Variants in A4GALT observed in about 807,000 individuals in gnomAD.
A4GALT encodes the protein alpha 1,4-galactosyltransferase (P1PK blood group).
For missense variants in A4GALT, 512 were observed against 486.0 expected, an observed-to-expected ratio of 1.05 and a Z score of -0.50; for synonymous variants, 257 against 220.7, an observed-to-expected ratio of 1.16 and a Z score of -1.46.
intron 1 of A4GALT, among the ~76,000 whole-genome samples, chr22:42,709,352 A>AAT (rs1921476527): frequency 6.6e-6 from 1 of 151,748 alleles, no homozygotes; most frequent in South Asian, 2.1e-4. Context: ...GCCAAAAAAA[A>AAT]AAAAAAAAAT....
chr22:42,703,534 G>A (rs1009894067), intron 1 of A4GALT, among the ~76,000 whole-genome samples: 4 of 152,052 alleles, frequency 2.6e-5, no homozygotes, highest in African/African-American at 7.2e-5. Flanking sequence ...GATTACAGGT[G>A]TGAGCCACTG....
chr22:42,715,918 C>T (rs532188469), intron 1 of A4GALT, among the ~76,000 whole-genome samples: 6 of 151,718 alleles, frequency 4.0e-5, no homozygotes, highest in Non-Finnish European at 7.4e-5. Flanking sequence ...CTGCAAACTC[C>T]GCCTCCTGCG....
chr22:42,703,508 C>T (rs953400503), intron 1 of A4GALT, among the ~76,000 whole-genome samples: 2 of 152,038 alleles, frequency 1.3e-5, no homozygotes, highest in African/African-American at 4.8e-5. Context: ...CTGGCCTCGG[C>T]CTCCCAAAGT....
chr22:42,720,411 C>A (rs868763854), intron 1 of A4GALT, among the ~76,000 whole-genome samples: 2 of 152,152 alleles, frequency 1.3e-5, no homozygotes, highest in South Asian at 2.1e-4. Flanking sequence ...GACGGAGGAG[C>A]GCGACTCACC....
At chr22:42,700,944 T>A (rs1362526376) in intron 1 of A4GALT, among the ~76,000 whole-genome samples, 1 of 152,182 alleles carries the variant, frequency 6.6e-6, no homozygotes, top group Non-Finnish European at 1.5e-5. Context: ...AGCAGGGACA[T>A]GCAGCCAGGA....
chr22:42,710,932 A>T (rs1921634730), intron 1 of A4GALT, among the ~76,000 whole-genome samples: 1 of 151,758 alleles, frequency 6.6e-6, no homozygotes, highest in Admixed American at 6.6e-5. Context: ...GGCTGAGGCG[A>T]GAGAATTGCT....
chr22:42,706,169 C>G (rs375849803), intron 1 of A4GALT, among the ~76,000 whole-genome samples: 1,397 of 67,692 alleles, frequency 0.021, 133 homozygotes, highest in African/African-American at 0.048. Flanking sequence ...TCCTGGCTAA[C>G]ACGGTGAAAC....
At chr22:42,713,638 CCCA>C (rs1210097003) in intron 1 of A4GALT, among the ~76,000 whole-genome samples, 4 of 151,554 alleles carry the variant, frequency 2.6e-5, no homozygotes, top group African/African-American at 9.7e-5. Flanking sequence ...CTGGCAAAAC[CCCA>C]CCTCAACTAA....
At position 42,693,383 on chromosome 22, in the gene A4GALT, T is replaced by C; in HGVS notation, c.569A>G (p.Tyr190Cys). ...GAGAACAATGAAGTCCGTGTCCAGG[T>C]AGATGCCGCCGAACTTCCACATGAG... is the stretch of plus-strand genomic sequence containing the variant. The part of the protein sequence containing the change: ...IALMWKFGGI[Y>C]LDTDFIVLKN... The change falls in exon 3 of 3, where the codon TAC becomes TGC. Residue 190 changes from tyrosine (Y) to cysteine (C), a missense_variant. Coordinates refer to ENST00000642412, the MANE Select transcript of A4GALT (RefSeq NM_017436.7). The C allele has an allele frequency of 6.2e-7, 1 of 1,613,232 alleles. No individual in the cohort carries two copies. The highest frequency in any genetic ancestry group is 8.5e-7 in the Non-Finnish European group (1 of 1,179,982).
At chr22:42,703,014 T>C (rs1195696710) in intron 1 of A4GALT, among the ~76,000 whole-genome samples, 1 of 151,900 alleles carries the variant, frequency 6.6e-6, no homozygotes, top group African/African-American at 2.4e-5. Flanking sequence ...CCGCAGCACC[T>C]CTGCCCTCCA....
intron 1 of A4GALT, among the ~76,000 whole-genome samples, chr22:42,715,082 G>T (rs774786466): frequency 6.6e-6 from 1 of 151,046 alleles, no homozygotes; most frequent in Non-Finnish European, 1.5e-5. Flanking sequence ...AAGATAAGGG[G>T]AGGGTGGGCC....
rs533675803 is a variant in A4GALT at position 42,710,199 on chromosome 22, A to T, written c.-188+10598T>A. Among the ~76,000 whole-genome samples the T allele has an allele frequency of 2.6e-5, 4 of 152,340 alleles. No homozygotes were observed. In the East Asian group the frequency reaches 5.8e-4, roughly 22 times the overall value. The stretch of plus-strand genomic sequence containing the variant: ...AAAGAAAACGCAATAGAAATAGTTA[A>T]AACTATTGCTATTTTCATATGATAT... On this transcript the variant is annotated intron_variant, in intron 1 of 2. Transcript: ENST00000642412.
At chr22:42,709,067 A>T (rs9623668) in intron 1 of A4GALT, among the ~76,000 whole-genome samples, 12,489 of 128,696 alleles carry the variant, frequency 0.097, 1,399 homozygotes, top group African/African-American at 0.27. Flanking sequence ...ATATATATAT[A>T]TTTTTTTTAA....
chr22:42,706,086 TG>T lies in A4GALT; in HGVS notation c.-187-10456del, dbSNP rs1921068661. 2.8e-5 allele frequency among the ~76,000 whole-genome samples: 3 copies of T among 106,898 alleles called. 1 individual carries two copies. The Admixed American group carries it at 3.0e-4, about 11-fold the overall frequency. 70.1% of individuals were successfully genotyped at this position (106,898 alleles called of 152,430 possible). ...AAAAAAAAAAGTTGGCCGGGTGCGG[TG>T]GCTCACGCCTGTAATCTCAGCACTT... is the stretch of plus-strand genomic sequence containing the variant. On this transcript the variant is annotated intron_variant, in intron 1 of 2. Transcript: ENST00000642412.
intron 1 of A4GALT, among the ~76,000 whole-genome samples, chr22:42,712,533 G>C (rs748378745): frequency 2.6e-5 from 4 of 152,266 alleles, no homozygotes; most frequent in Non-Finnish European, 5.9e-5. Context: ...TGAGTTAGAA[G>C]AGTCCTGAGT....
intron 1 of A4GALT, among the ~76,000 whole-genome samples, chr22:42,709,067 A>AT (rs71186522): frequency 1.2e-3 from 149 of 128,830 alleles, no homozygotes; most frequent in African/African-American, 3.6e-3. Context: ...ATATATATAT[A>AT]TTTTTTTTAA....
intron 1 of A4GALT, among the ~76,000 whole-genome samples, chr22:42,707,551 G>A (rs146601446): frequency 6.6e-5 from 10 of 152,038 alleles, no homozygotes; most frequent in East Asian, 1.9e-4. Flanking sequence ...CAGCTACCTC[G>A]GGAGGCTGAG....
At chr22:42,709,042 A>C in intron 1 of A4GALT, among the ~76,000 whole-genome samples, 1 of 106,650 alleles carries the variant, frequency 9.4e-6, no homozygotes, top group Admixed American at 1.0e-4. Context: ...TAGAAAGGAA[A>C]ATTTAAATAT....
chr22:42,695,893 G>A (rs571823205), intron 1 of A4GALT, among the ~76,000 whole-genome samples: 25 of 152,190 alleles, frequency 1.6e-4, no homozygotes, highest in East Asian at 3.9e-4. Context: ...GAGGCCAGGC[G>A]TGGTGGCTCA....
Sources: gnomAD v4.1 joint callset for allele counts (sites outside exome capture counted in the v4.1 genomes callset) on GRCh38, gnomAD v4.1.1 for gene constraint, MANE v1.5 for transcripts, NCBI Gene and HGNC (gene_info 2026-07-23, HGNC 2026-07-21) for gene names.